Variants in WWOX observed in about 807,000 individuals in gnomAD.
The protein encoded by WWOX is WW domain-containing oxidoreductase.
In WWOX, 69 loss-of-function variants were observed where a neutral mutation model predicts 46.2. The observed-to-expected ratio is 1.49, with a 90% confidence interval of 1.23 to 1.82. The LOEUF is 1.82. Among genes scored for constraint, WWOX ranks in the 40% most tolerant of loss-of-function variants. The pLI is 0.00. For synonymous variants in WWOX, 359 were observed against 202.6 expected (o/e 1.77, Z -6.56); for missense variants, 919 against 542.6 (o/e 1.69, Z -6.89).
intron 8 of WWOX, among the ~76,000 whole-genome samples, chr16:78,458,922 A>G (rs984035310): frequency 6.6e-6 from 1 of 152,136 alleles, no homozygotes; most frequent in Non-Finnish European, 1.5e-5. Flanking sequence ...ATTTCCAACA[A>G]TATTCATTCT....
chr16:79,106,996 A>G (rs1018656080), intron 8 of WWOX, among the ~76,000 whole-genome samples: 6 of 151,764 alleles, frequency 4.0e-5, no homozygotes, highest in African/African-American at 1.5e-4. Flanking sequence ...TTGTTAGTAG[A>G]GTTGGGGTTT....
intron 8 of WWOX, among the ~76,000 whole-genome samples, chr16:78,567,618 G>C (rs191379200): frequency 6.7e-6 from 1 of 149,418 alleles, no homozygotes; most frequent in Non-Finnish European, 1.5e-5. Flanking sequence ...TCCCAAGCTC[G>C]CCGCAGCCTG....
intron 8 of WWOX, among the ~76,000 whole-genome samples, chr16:78,660,665 G>A (rs770809307): frequency 7.2e-5 from 11 of 152,216 alleles, no homozygotes; most frequent in Admixed American, 1.3e-4. Context: ...CAGGATAAAC[G>A]TTTCAGACCT....
chr16:78,191,459 T>C (rs2035881297), intron 5 of WWOX, among the ~76,000 whole-genome samples: 2 of 152,226 alleles, frequency 1.3e-5, no homozygotes, highest in African/African-American at 4.8e-5. Context: ...TTGAAAAATA[T>C]GCCGCCACAA....
At chr16:78,709,651 C>T (rs1039266823) in intron 8 of WWOX, among the ~76,000 whole-genome samples, 3 of 152,054 alleles carry the variant, frequency 2.0e-5, no homozygotes, top group African/African-American at 4.8e-5. Context: ...GAATGAAAAC[C>T]AACTGCCCTG....
At chr16:78,657,590 A>G (rs1174864387) in intron 8 of WWOX, among the ~76,000 whole-genome samples, 1 of 152,196 alleles carries the variant, frequency 6.6e-6, no homozygotes, top group African/African-American at 2.4e-5. Context: ...CCAGAGGCCC[A>G]CAGCCTACTG....
intron 8 of WWOX, among the ~76,000 whole-genome samples, chr16:78,756,217 C>G (rs1297959958): frequency 6.6e-6 from 1 of 152,178 alleles, no homozygotes; most frequent in African/African-American, 2.4e-5. Flanking sequence ...CTTTTTCTCC[C>G]TTTCCAGCTG....
At chr16:79,001,563 T>G (rs1178095841) in intron 8 of WWOX, among the ~76,000 whole-genome samples, 1 of 152,168 alleles carries the variant, frequency 6.6e-6, no homozygotes, top group Non-Finnish European at 1.5e-5. Flanking sequence ...TCAGTTGGAT[T>G]TATTTTAAAC....
At chr16:78,213,282 G>T (rs2036617334) in intron 5 of WWOX, among the ~76,000 whole-genome samples, 1 of 150,704 alleles carries the variant, frequency 6.6e-6, no homozygotes, top group Non-Finnish European at 1.5e-5. Flanking sequence ...ATCTTTCAGG[G>T]ATCCAGGCTG....
chr16:79,200,123 A>G (rs1309944270), intron 8 of WWOX, among the ~76,000 whole-genome samples: 1 of 152,166 alleles, frequency 6.6e-6, no homozygotes, highest in Non-Finnish European at 1.5e-5. Context: ...AGAACACTGC[A>G]GGGGAGGCAC....
At chr16:78,450,001 T>C (rs2151409401) in intron 8 of WWOX, among the ~76,000 whole-genome samples, 1 of 152,126 alleles carries the variant, frequency 6.6e-6, no homozygotes, top group South Asian at 2.1e-4. Flanking sequence ...GTTGTTGTTT[T>C]GTTATGATTT....
intron 8 of WWOX, among the ~76,000 whole-genome samples, chr16:78,767,230 C>T (rs1004065482): frequency 4.6e-5 from 7 of 152,054 alleles, no homozygotes; most frequent in Non-Finnish European, 1.0e-4. Flanking sequence ...CAGTGATCCT[C>T]CCACCTCAGC....
At chr16:78,703,158 G>A (rs186006130) in intron 8 of WWOX, among the ~76,000 whole-genome samples, 15 of 152,210 alleles carry the variant, frequency 9.9e-5, no homozygotes, top group Middle Eastern at 3.4e-3. Context: ...AGGGGTGGTC[G>A]TGAGTTTTTA....
chr16:79,083,194 T>A (rs186817514), intron 8 of WWOX, among the ~76,000 whole-genome samples: 2 of 152,270 alleles, frequency 1.3e-5, no homozygotes, highest in Admixed American at 1.3e-4. Flanking sequence ...AGGGCGCAGG[T>A]AGGGGCACTT....
At chr16:78,866,301 A>T (rs1236760323) in intron 8 of WWOX, among the ~76,000 whole-genome samples, 2 of 152,080 alleles carry the variant, frequency 1.3e-5, no homozygotes, top group Non-Finnish European at 2.9e-5. Flanking sequence ...CCACGGTCAG[A>T]TTTCAAGTGG....
chr16:78,477,068 C>T (rs117626204), intron 8 of WWOX, among the ~76,000 whole-genome samples: 162 of 152,194 alleles, frequency 1.1e-3, no homozygotes, highest in Non-Finnish European at 1.8e-3. Flanking sequence ...ACCAGGTGAT[C>T]ATCTTAGGCA....
At chr16:78,610,224 A>G (rs533009301) in intron 8 of WWOX, among the ~76,000 whole-genome samples, 1 of 152,278 alleles carries the variant, frequency 6.6e-6, no homozygotes, top group African/African-American at 2.4e-5. Context: ...TGTGATAAAG[A>G]TCCCTTTTAC....
intron 4 of WWOX, among the ~76,000 whole-genome samples, chr16:78,127,534 C>T (rs1281237440): frequency 2.8e-5 from 4 of 144,138 alleles, no homozygotes; most frequent in Non-Finnish European, 6.1e-5. Context: ...AAAAAACCAC[C>T]GAGACGAGGT....
chr16:79,006,220 TTAAGGA>T (rs1363626493), intron 8 of WWOX, among the ~76,000 whole-genome samples: 2 of 152,090 alleles, frequency 1.3e-5, no homozygotes, highest in African/African-American at 2.4e-5. Flanking sequence ...TTCCCAGTCT[TTAAGGA>T]TAAGTGGCAT....
Sources: gnomAD v4.1 joint callset for allele counts (sites outside exome capture counted in the v4.1 genomes callset) on GRCh38, gnomAD v4.1.1 for gene constraint, MANE v1.5 for transcripts, NCBI Gene and HGNC (gene_info 2026-07-23, HGNC 2026-07-21) for gene names.